EVA1C: variants seen among roughly 807,000 people sequenced by gnomAD.
The protein encoded by EVA1C is protein eva-1 homolog C.
In EVA1C, 25 loss-of-function variants were observed where a neutral mutation model predicts 45.4. The ratio of observed to expected loss-of-function variants is 0.55; its 90% CI spans 0.40 to 0.77. EVA1C has a LOEUF of 0.77. Among genes scored for constraint, EVA1C ranks in the 30% least tolerant of loss-of-function variants. EVA1C has a pLI of 0.00. For missense variants in EVA1C, 479 were observed against 554.8 expected, an observed-to-expected ratio of 0.86 and a Z score of 1.37; for synonymous variants, 190 against 221.2, an observed-to-expected ratio of 0.86 and a Z score of 1.25.
chr21:32,428,397 C>A (rs1240050473), intron 1 of EVA1C: 1 of 152,238 alleles, frequency 6.6e-6, no homozygotes, highest in African/African-American at 2.4e-5. Flanking sequence ...AGACTGTGGA[C>A]AACGGGACAG....
At chr21:32,412,512 AG>A (rs1906745986), upstream of EVA1C, 1 of 214,376 alleles carries the variant, frequency 4.7e-6, no homozygotes, top group Admixed American at 5.9e-5. Context: ...GCAGCGCGCC[AG>A]GGATCGGCCT....
chr21:32,489,693 T>A (rs955407449), intron 4 of EVA1C, among the ~76,000 whole-genome samples: 5 of 152,234 alleles, frequency 3.3e-5, no homozygotes, highest in Admixed American at 6.5e-5. Flanking sequence ...TTGGGCAGTA[T>A]GAACACTGTA....
chr21:32,509,265 C>T (rs1360999901), intron 7 of EVA1C, among the ~76,000 whole-genome samples: 2 of 152,204 alleles, frequency 1.3e-5, no homozygotes, highest in African/African-American at 2.4e-5. Context: ...GACTAGGAAG[C>T]CTTGTTCCCA....
intron 3 of EVA1C, among the ~76,000 whole-genome samples, chr21:32,460,331 AAAC>A (rs1260668359): frequency 6.6e-6 from 1 of 152,170 alleles, no homozygotes. Flanking sequence ...TCTGTCCAAA[AAAC>A]AACAACAAAA....
At chr21:32,507,931 G>A (rs2037821777) in intron 7 of EVA1C, among the ~76,000 whole-genome samples, 1 of 126,382 alleles carries the variant, frequency 7.9e-6, no homozygotes, top group Middle Eastern at 3.4e-3. Flanking sequence ...GTGCCTGTAT[G>A]TGTATCTGTA....
intron 3 of EVA1C, among the ~76,000 whole-genome samples, chr21:32,460,950 T>C (rs1236025199): frequency 3.3e-5 from 5 of 152,176 alleles, no homozygotes; most frequent in African/African-American, 1.2e-4. Flanking sequence ...TTCACCATGT[T>C]GGCCAGGCTG....
At chr21:32,471,329 TTC>T (rs376955659) in intron 4 of EVA1C, among the ~76,000 whole-genome samples, 3,635 of 64,570 alleles carry the variant, frequency 0.056, 150 homozygotes, top group African/African-American at 0.18. Flanking sequence ...TTTTTCTTTT[TTC>T]TTTTTTTTTT....
intron 1 of EVA1C, among the ~76,000 whole-genome samples, chr21:32,448,903 A>G (rs1187903846): frequency 2.0e-5 from 3 of 151,846 alleles, no homozygotes; most frequent in Admixed American, 6.6e-5. Context: ...AGAAAAAAAA[A>G]GAAAGGAGAA....
chr21:32,481,043 G>T (rs1037869074), intron 4 of EVA1C, among the ~76,000 whole-genome samples: 1 of 152,116 alleles, frequency 6.6e-6, no homozygotes, highest in African/African-American at 2.4e-5. Context: ...ACAGAAAAGT[G>T]ACTAGGAAGA....
chr21:32,451,873 A>G (rs1193312933), intron 1 of EVA1C, among the ~76,000 whole-genome samples: 1 of 152,180 alleles, frequency 6.6e-6, no homozygotes, highest in Non-Finnish European at 1.5e-5. Context: ...TTACATCTGC[A>G]ACCACCCTAT....
intron 1 of EVA1C, among the ~76,000 whole-genome samples, chr21:32,443,721 C>A (rs182783969): frequency 1.2e-4 from 18 of 152,288 alleles, no homozygotes; most frequent in Admixed American, 1.2e-3. Flanking sequence ...ATTCCTAGTG[C>A]TCTCTTTTAT....
chr21:32,496,780 T>A (rs1205744744), intron 5 of EVA1C: 5 of 715,292 alleles, frequency 7.0e-6, no homozygotes, highest in Non-Finnish European at 1.3e-5. Context: ...GAGACACTGC[T>A]GGGCTGGGGC....
upstream of EVA1C, chr21:32,411,947 G>C (rs1181206075): frequency 2.0e-5 from 3 of 152,300 alleles, no homozygotes; most frequent in African/African-American, 7.2e-5. Context: ...GGTTCAGAAA[G>C]ATGCTGTGGC....
At chr21:32,458,787 AG>A (rs1156429584) in intron 3 of EVA1C, among the ~76,000 whole-genome samples, 2 of 152,074 alleles carry the variant, frequency 1.3e-5, no homozygotes, top group Non-Finnish European at 2.9e-5. Flanking sequence ...GGTCGAGTTA[AG>A]CATTTTTAAA....
intron 1 of EVA1C, among the ~76,000 whole-genome samples, chr21:32,449,607 C>T (rs8127011): frequency 0.52 from 77,818 of 150,452 alleles, 20,566 homozygotes; most frequent in African/African-American, 0.62. Flanking sequence ...AGGTTTCTTT[C>T]GTTTTTTGTT....
rs139837331 is a variant in EVA1C at position 32,476,460 on chromosome 21, G to A, written c.634+8612G>A. ...AGTTTGAGACCAGCCTGGCCAACAT[G>A]GTGAAACCATGTCTCTACTAAAAAT... On this transcript the variant is annotated intron_variant, in intron 4 of 7. Transcript: ENST00000300255. 2.0e-3 allele frequency among the ~76,000 whole-genome samples: 299 copies of A among 152,124 alleles called. 2 individuals are homozygous for A. The highest frequency in any genetic ancestry group is 6.8e-3 in the African/African-American group (283 of 41,482).
At chr21:32,509,715 G>A (rs1443514934) in intron 7 of EVA1C, among the ~76,000 whole-genome samples, 1 of 151,916 alleles carries the variant, frequency 6.6e-6, no homozygotes, top group African/African-American at 2.4e-5. Context: ...AAGTTGGGCT[G>A]TGAAGAAAAC....
intron 4 of EVA1C, among the ~76,000 whole-genome samples, chr21:32,472,839 A>G (rs1186728841): frequency 6.6e-6 from 1 of 152,142 alleles, no homozygotes; most frequent in Non-Finnish European, 1.5e-5. Context: ...CAAGGTAAAA[A>G]GCTCCAGCTC....
At chr21:32,423,437 T>C (rs2034366722) in intron 1 of EVA1C, among the ~76,000 whole-genome samples, 1 of 152,118 alleles carries the variant, frequency 6.6e-6, no homozygotes, top group African/African-American at 2.4e-5. Flanking sequence ...CAAAAAATCA[T>C]TCCTTCCCTG....
Sources: gnomAD v4.1 joint callset for allele counts (sites outside exome capture counted in the v4.1 genomes callset) on GRCh38, gnomAD v4.1.1 for gene constraint, MANE v1.5 for transcripts, NCBI Gene and HGNC (gene_info 2026-07-23, HGNC 2026-07-21) for gene names.